Variants in CYP2A13 observed in about 807,000 individuals in gnomAD.
CYP2A13 encodes cytochrome P450 2A13.
CYP2A13 carries 30 observed loss-of-function variants against 39.4 expected under a neutral mutation model. The ratio of observed to expected loss-of-function variants is 0.76; its 90% CI spans 0.57 to 1.03. The LOEUF (loss-of-function observed/expected upper bound fraction) is 1.03. Among genes scored for constraint, CYP2A13 ranks in the 50% least tolerant of loss-of-function variants. The probability of loss-of-function intolerance (pLI) is 0.00; values close to 1 mark genes in which losing one functional copy is unlikely to be tolerated. For synonymous variants in CYP2A13, 269 were observed against 254.7 expected, an observed-to-expected ratio of 1.06 and a Z score of -0.54; for missense variants, 731 against 648.4, an observed-to-expected ratio of 1.13 and a Z score of -1.38.
intron 8 of CYP2A13, among the ~76,000 whole-genome samples, chr19:41,095,431 C>A (rs1199559485): frequency 2.6e-5 from 4 of 152,096 alleles, no homozygotes; most frequent in African/African-American, 4.8e-5. Context: ...CTAAACCTCC[C>A]ATTGCTACAC....
At chr19:41,092,030 A>G in intron 5 of CYP2A13, 122 bp downstream of exon 5, 1 of 1,433,660 alleles carries the variant, frequency 7.0e-7, no homozygotes, top group South Asian at 1.4e-5. Flanking sequence ...AATCCTTACA[A>G]TTGGCCAGGC....
chr19:41,090,090 C>T lies in CYP2A13; in HGVS notation c.387C>T (p.Arg129=), dbSNP rs1377130069. ...SNGERAKQLR[R]FSIATLRGFG... Reference sequence around the variant, plus strand: ...GGGAGCGCGCCAAGCAGCTCCGGCGCTTCTCCATCGCCACCCTAAGGGGTT... The same window carrying T: ...GGGAGCGCGCCAAGCAGCTCCGGCGTTTCTCCATCGCCACCCTAAGGGGTT... Residue 129 remains arginine, a synonymous_variant, in exon 3 of 9, where the codon CGC becomes CGT. Coordinates refer to ENST00000330436, the MANE Select transcript of CYP2A13 (RefSeq NM_000766.5). 6.2e-7 allele frequency: 1 copy of T among 1,613,110 alleles called. No individual in the cohort carries two copies. The highest frequency in any genetic ancestry group is 2.2e-5 in the East Asian group (1 of 44,824).
chr19:41,092,464 G>A (rs2031214270), intron 5 of CYP2A13, among the ~76,000 whole-genome samples: 1 of 152,112 alleles, frequency 6.6e-6, no homozygotes, highest in Non-Finnish European at 1.5e-5. Flanking sequence ...CGTGTGCCAG[G>A]CACTGCGTTA....
Position 41,088,520 on chromosome 19 carries a change from G to C in CYP2A13, c.49G>C (p.Val17Leu). The C allele has an allele frequency of 6.2e-7, 1 of 1,614,054 alleles. No individual in the cohort carries two copies. The highest frequency in any genetic ancestry group is 8.5e-7 in the Non-Finnish European group (1 of 1,179,910). ...LLVTLLACLTVMVLMSVWRQR... is the reference protein window; with the variant it reads ...LLVTLLACLTLMVLMSVWRQR... Reference sequence around the variant, plus strand: ...GGTGACCTTGCTGGCCTGCCTGACTGTGATGGTCTTGATGTCAGTCTGGCG... The same window carrying C: ...GGTGACCTTGCTGGCCTGCCTGACTCTGATGGTCTTGATGTCAGTCTGGCG... Residue 17 changes from valine (V) to leucine (L), a missense_variant, in exon 1 of 9, where the codon GTG becomes CTG. Transcript: ENST00000330436.
rs779394643 is a variant in CYP2A13, at chr19:41,088,978, G to A, written c.230G>A (p.Arg77Gln). Reference sequence around the variant, plus strand: ...TTCACCATTCACTTGGGGCCCCGGCGGGTCGTGGTGCTGTGCGGACATGAT... The same window carrying A: ...TTCACCATTCACTTGGGGCCCCGGCAGGTCGTGGTGCTGTGCGGACATGAT... ...PVFTIHLGPRRVVVLCGHDAV... is the reference protein window; with the variant it reads ...PVFTIHLGPRQVVVLCGHDAV... Residue 77 changes from arginine (R) to glutamine (Q), a missense_variant, in exon 2 of 9, where the codon CGG becomes CAG. By Grantham distance (43) the Arg-to-Gln change is conservative. Coordinates refer to ENST00000330436, the MANE Select transcript of CYP2A13 (RefSeq NM_000766.5). 3.1e-5 allele frequency: 50 copies of A among 1,613,830 alleles called. No homozygotes were observed. Among genetic ancestry groups the A allele is most frequent in the East Asian group, 4.5e-5 (2 of 44,890 alleles).
intron 4 of CYP2A13, 95 bp from the exon 5 acceptor site, chr19:41,091,637 C>T (rs182313888): frequency 1.6e-4 from 245 of 1,543,186 alleles, no homozygotes; most frequent in Non-Finnish European, 1.9e-4. Context: ...CCTTTAACTC[C>T]GTTCCTTCCT....
At position 41,088,994 on chromosome 19, in the gene CYP2A13, C is replaced by G. The variant is rs67027422; in HGVS notation, c.246C>G (p.Cys82Trp). 4 of 1,613,898 alleles carry G rather than the reference C, an allele frequency of 2.5e-6. No individual in the cohort carries two copies. Among genetic ancestry groups the G allele is most frequent in the Non-Finnish European group, 3.4e-6 (4 of 1,179,878 alleles). Reference sequence around the variant, plus strand: ...GGCCCCGGCGGGTCGTGGTGCTGTGCGGACATGATGCCGTCAAGGAGGCTC... The same window carrying G: ...GGCCCCGGCGGGTCGTGGTGCTGTGGGGACATGATGCCGTCAAGGAGGCTC... ...HLGPRRVVVL[C>W]GHDAVKEALV... Residue 82 changes from cysteine (C) to tryptophan (W), a missense_variant, in exon 2 of 9, where the codon TGC (cysteine) becomes TGG (tryptophan). Cys to Trp is a radical substitution (Grantham distance 215, BLOSUM62 -2). Coordinates refer to ENST00000330436, the MANE Select transcript of CYP2A13 (RefSeq NM_000766.5).
rs767664532 is a variant in CYP2A13, at chr19:41,090,422, C to G, written c.512C>G (p.Thr171Ser). 15 of 1,614,064 alleles carry G rather than the reference C, an allele frequency of 9.3e-6. No individual in the cohort carries two copies. In the South Asian group the frequency reaches 1.6e-4, roughly 18 times the overall value. ...RGTHGANIDP[T>S]FFLSRTVSNV... Reference sequence around the variant, plus strand: ...CCTGCAGGCGCCAATATCGATCCCACCTTCTTCCTGAGCCGCACAGTCTCC... The same window carrying G: ...CCTGCAGGCGCCAATATCGATCCCAGCTTCTTCCTGAGCCGCACAGTCTCC... Residue 171 changes from threonine (T) to serine (S), a missense_variant, in exon 4 of 9, where the codon ACC (threonine) becomes AGC (serine). Coordinates refer to ENST00000330436, the MANE Select transcript of CYP2A13 (RefSeq NM_000766.5).
intron 4 of CYP2A13, among the ~76,000 whole-genome samples, chr19:41,090,991 A>T (rs2031177067): frequency 6.6e-6 from 1 of 152,190 alleles, no homozygotes; most frequent in Non-Finnish European, 1.5e-5. Context: ...TAATCATTTC[A>T]CATCTACACA....
At chr19:41,094,222 A>C in intron 6 of CYP2A13, 23 bp from the exon 7 acceptor site, 1 of 1,612,928 alleles carries the variant, frequency 6.2e-7, no homozygotes, top group Non-Finnish European at 8.5e-7. Flanking sequence ...TAGACACCTA[A>C]ACACATTCCC....
chr19:41,091,874 A>T lies in CYP2A13; in HGVS notation c.797A>T (p.Asp266Val). ...ACGCTGGATCCCAATTCCCCACGGG[A>T]CTTCATCGACTCCTTTCTCATCCGC... ...QRTLDPNSPR[D>V]FIDSFLIRMQ... The change falls in exon 5 of 9, where the codon GAC becomes GTC. Residue 266 changes from aspartate (D) to valine (V), a missense_variant. Asp to Val is a radical substitution (Grantham distance 152, BLOSUM62 -3). Coordinates refer to ENST00000330436, the MANE Select transcript of CYP2A13 (RefSeq NM_000766.5). 6.2e-7 allele frequency: 1 copy of T among 1,614,192 alleles called. No individual in the cohort carries two copies. Among genetic ancestry groups the T allele is most frequent in the Non-Finnish European group, 8.5e-7 (1 of 1,180,030 alleles).
rs551715586 is a variant in CYP2A13 at position 41,089,307 on chromosome 19, G to A, written c.343+216G>A. 7.6e-3 allele frequency among the ~76,000 whole-genome samples: 1,149 copies of A among 151,914 alleles called. 7 individuals carry two copies. Among genetic ancestry groups the A allele is most frequent in the Admixed American group, 0.016 (238 of 15,268 alleles). ...ATTCCTCCCTGCCTCTCTCTGCCCC[G>A]TCTCCTCCTTCTCTCTCACTGGAGT... On this transcript the variant is annotated intron_variant, in intron 2 of 8. Coordinates refer to ENST00000330436, the MANE Select transcript of CYP2A13 (RefSeq NM_000766.5).
At position 41,088,545 on chromosome 19, in the gene CYP2A13, G is replaced by C; in HGVS notation, c.74G>C (p.Arg25Pro). 2 of 1,613,876 alleles carry C rather than the reference G, an allele frequency of 1.2e-6. No homozygotes were observed. ...GTGATGGTCTTGATGTCAGTCTGGCGGCAGAGGAAGAGCAGGGGGAAGCTG... is the reference window on the plus strand; with the variant it reads ...GTGATGGTCTTGATGTCAGTCTGGCCGCAGAGGAAGAGCAGGGGGAAGCTG... ...LTVMVLMSVW[R>P]QRKSRGKLPP... is the part of the protein sequence containing the mutation. Residue 25 changes from arginine (R) to proline (P), a missense_variant, in exon 1 of 9, where the codon CGG becomes CCG. By Grantham distance (103) the Arg-to-Pro change is moderately radical (BLOSUM62 -2). Coordinates refer to ENST00000330436, the MANE Select transcript of CYP2A13 (RefSeq NM_000766.5).
Position 41,090,507 on chromosome 19 carries a change from G to C in CYP2A13, c.597G>C (p.Leu199=), listed in dbSNP as rs372831733. 1.2e-6 allele frequency: 2 copies of C among 1,614,144 alleles called. No individual in the cohort carries two copies. Among genetic ancestry groups the C allele is most frequent in the East Asian group, 2.2e-5 (1 of 44,882 alleles). Residue 199 remains leucine, a synonymous_variant, in exon 4 of 9, where the codon CTG becomes CTC. Coordinates refer to ENST00000330436, the MANE Select transcript of CYP2A13 (RefSeq NM_000766.5). ...TTGACTATGAGGACAAAGAGTTCCTGTCACTGTTGCGCATGATGCTGGGAA... is the reference window on the plus strand; with the variant it reads ...TTGACTATGAGGACAAAGAGTTCCTCTCACTGTTGCGCATGATGCTGGGAA... ...DRFDYEDKEF[L]SLLRMMLGSF...
rs71579358 is a variant in CYP2A13 at position 41,088,484 on chromosome 19, G to A, written c.13G>A (p.Gly5Arg). The A allele has an allele frequency of 6.2e-7, 1 of 1,613,646 alleles. No individual in the cohort carries two copies. The highest frequency in any genetic ancestry group is 8.5e-7 in the Non-Finnish European group (1 of 1,179,666). The part of the protein sequence containing the change: MLAS[G>R]LLLVTLLACL... The stretch of plus-strand genomic sequence containing the variant: ...TCCCACTGCCACCATGCTGGCCTCA[G>A]GGCTGCTTCTGGTGACCTTGCTGGC... Residue 5 changes from glycine (G) to arginine (R), a missense_variant, in exon 1 of 9, where the codon GGG (glycine) becomes AGG (arginine). Physicochemically the swap from Gly to Arg is moderately radical, Grantham distance 125. Coordinates refer to ENST00000330436, the MANE Select transcript of CYP2A13 (RefSeq NM_000766.5).
Position 41,094,998 on chromosome 19 carries a change from G to T in CYP2A13, c.1201G>T (p.Asp401Tyr). ...CCCTATGCTGGGCTCCGTGCTGAGAGACCCCAGGTTCTTCTCCAACCCCCG... is the reference window on the plus strand; with the variant it reads ...CCCTATGCTGGGCTCCGTGCTGAGATACCCCAGGTTCTTCTCCAACCCCCG... Reference protein sequence around the residue: ...VFPMLGSVLRDPRFFSNPRDF... With the variant: ...VFPMLGSVLRYPRFFSNPRDF... The change falls in exon 8 of 9, where the codon GAC becomes TAC. Residue 401 changes from aspartate to tyrosine, a missense_variant. Coordinates refer to ENST00000330436, the MANE Select transcript of CYP2A13 (RefSeq NM_000766.5). The T allele has an allele frequency of 6.2e-7, 1 of 1,614,096 alleles. No homozygotes were observed. Among genetic ancestry groups the T allele is most frequent in the East Asian group, 2.2e-5 (1 of 44,878 alleles).
chr19:41,088,850 C>T, intron 1 of CYP2A13, 79 bp from the exon 2 acceptor site: 1 of 1,581,686 alleles, frequency 6.3e-7, no homozygotes. Flanking sequence ...GCGAAGCATC[C>T]CAGTACATGA....
In CYP2A13 at chr19:41,095,789, G is replaced by A. The variant is rs772441450; in HGVS notation, c.1333G>A (p.Ala445Thr). Residue 445 changes from alanine (A) to threonine (T), a missense_variant, in exon 9 of 9, where the codon GCC becomes ACC. Coordinates refer to ENST00000330436, the MANE Select transcript of CYP2A13 (RefSeq NM_000766.5). ...GCGGTACTGTTTTGGAGAAGGCCTG[G>A]CCAGAATGGAGCTCTTTCTCTTCTT... is the stretch of plus-strand genomic sequence containing the variant. ...GKRYCFGEGL[A>T]RMELFLFFTT... 7.4e-6 allele frequency: 12 copies of A among 1,614,074 alleles called. No individual in the cohort carries two copies. Among genetic ancestry groups the A allele is most frequent in the Admixed American group, 3.3e-5 (2 of 60,020 alleles).
At chr19:41,090,234 C>T (rs758241453) in intron 3 of CYP2A13, 38 bp downstream of exon 3, 4 of 1,547,492 alleles carry the variant, frequency 2.6e-6, no homozygotes, top group Non-Finnish European at 3.5e-6. Flanking sequence ...CGGGAACCCG[C>T]GCTTTCTGCC....
Sources: gnomAD v4.1 joint callset for allele counts (sites outside exome capture counted in the v4.1 genomes callset) on GRCh38, gnomAD v4.1.1 for gene constraint, MANE v1.5 for transcripts, NCBI Gene and HGNC (gene_info 2026-07-23, HGNC 2026-07-21) for gene names.